LMTK3: variants seen among roughly 807,000 people sequenced by gnomAD.
The protein encoded by LMTK3 is serine/threonine-protein kinase LMTK3.
In LMTK3, 27 loss-of-function variants were observed where a neutral mutation model predicts 116.7. The observed-to-expected ratio is 0.23, with a 90% confidence interval of 0.17 to 0.32. LMTK3 has a LOEUF of 0.32. Ranked by LOEUF, LMTK3 falls within the 10% of genes least tolerant of loss-of-function variation. The pLI, the probability that LMTK3 is intolerant of heterozygous loss-of-function variation, is 1.00. For synonymous variants in LMTK3, 965 were observed against 971.0 expected (o/e 0.99, Z 0.11); for missense variants, 1,764 against 2,068.5 (o/e 0.85, Z 2.86).
chr19:48,507,658 G>A (rs1487718008), intron 5 of LMTK3, among the ~76,000 whole-genome samples: 2 of 152,182 alleles, frequency 1.3e-5, no homozygotes, highest in Non-Finnish European at 2.9e-5. Context: ...TTGCCCAGGT[G>A]GGAGTGCAGT....
rs866909134 is a variant in LMTK3, at chr19:48,510,593, C to A, written c.77-1G>T. On this transcript the variant is annotated splice_acceptor_variant, in intron 1 of 14. Coordinates refer to ENST00000600059, the MANE Select transcript of LMTK3 (RefSeq NM_001388485.1). LOFTEE classifies it high-confidence loss of function. The stretch of plus-strand genomic sequence containing the variant: ...GGAGCCCGGCCCAGGGCGAATCCAT[C>A]TGTGGGCACAGGGCTGGGCTGGGGT... 6.3e-7 allele frequency: 1 copy of A among 1,576,460 alleles called. No individual in the cohort carries two copies.
At position 48,498,845 on chromosome 19, in the gene LMTK3, GCGC is replaced by G; in HGVS notation, c.2221_2223del (p.Ala741del). 6.4e-6 allele frequency: 8 copies of G among 1,242,916 alleles called. No homozygotes were observed. The highest frequency in any genetic ancestry group is 8.2e-6 in the Non-Finnish European group (8 of 974,356). The allele number at this position is 1,242,916 out of a possible 1,614,324, so 77.0% of individuals were successfully genotyped here. ...GGTGGCCCCCGCCCGGGGTACTGGG[GCGC>G]CGCCGCCCCCATGAGGGGGTCCAGA... On this transcript the variant is annotated inframe_deletion, in exon 11 of 15. Coordinates refer to ENST00000600059, the MANE Select transcript of LMTK3 (RefSeq NM_001388485.1).
chr19:48,490,078 G>A (rs556873431), intron 14 of LMTK3, among the ~76,000 whole-genome samples: 1 of 152,332 alleles, frequency 6.6e-6, no homozygotes, highest in East Asian at 1.9e-4. Flanking sequence ...GTGGCCACGA[G>A]GATTAGCGAT....
rs1972668718 is a variant in LMTK3, at chr19:48,511,815, G to A, written c.-239C>T. On this transcript the variant is annotated 5_prime_UTR_variant, in exon 1 of 15. Coordinates refer to ENST00000600059, the MANE Select transcript of LMTK3 (RefSeq NM_001388485.1). ...AGAGGCGGACAGAGGAGAGATGCTG[G>A]GGAGCCGGGGTTGCTGGGGTGGGGG... The A allele has an allele frequency of 5.4e-6, 1 of 186,712 alleles. No individual in the cohort carries two copies. The highest frequency in any genetic ancestry group is 1.1e-5 in the Non-Finnish European group (1 of 94,176). 11.6% of individuals were successfully genotyped at this position (186,712 alleles called of 1,614,324 possible).
chr19:48,497,356 G>C lies in LMTK3; in HGVS notation c.3676+37C>G. ...CCCTCCGCACGCCTCGGAAACAGCC[G>C]GACCTCAGCCCTGACTGTGCCCCGC... On this transcript the variant is annotated intron_variant, in intron 11 of 14. Coordinates refer to ENST00000600059, the MANE Select transcript of LMTK3 (RefSeq NM_001388485.1). The surrounding 1 kb of genome is among the most constrained non-coding windows in gnomAD (Gnocchi z 5.7). The C allele has an allele frequency of 1.4e-6, 2 of 1,424,638 alleles. No homozygotes were observed. The highest frequency in any genetic ancestry group is 1.8e-6 in the Non-Finnish European group (2 of 1,083,858). 88.2% of individuals were successfully genotyped at this position (1,424,638 alleles called of 1,614,324 possible). A position where few individuals can be genotyped will look rare whatever the true frequency, so the allele number is the denominator to read the frequency against.
At position 48,499,588 on chromosome 19, in the gene LMTK3, G is replaced by A. The variant is rs1569104146; in HGVS notation, c.1481C>T (p.Ala494Val). 2.0e-6 allele frequency: 3 copies of A among 1,535,534 alleles called. No homozygotes were observed. Among genetic ancestry groups the A allele is most frequent in the Admixed American group, 4.2e-5 (2 of 47,238 alleles). Residue 494 changes from alanine (A) to valine (V), a missense_variant, in exon 11 of 15, where the codon GCA becomes GTA. Physicochemically the swap from Ala to Val is moderately conservative, Grantham distance 64. Transcript: ENST00000600059. ...GGCCGACGCCGGCTGCCAGGCAGGT[G>A]CCCCCCCACCCCGGCCGGCCCCACG... ...ARRGAGRGGGAPAWQPASAPP... is the reference protein window; with the variant it reads ...ARRGAGRGGGVPAWQPASAPP...
At position 48,510,403 on chromosome 19, in the gene LMTK3, G is replaced by T; in HGVS notation, c.210+56C>A. 3.2e-6 allele frequency: 5 copies of T among 1,558,998 alleles called. No homozygotes were observed. The South Asian group carries it at 4.7e-5, about 15-fold the overall frequency. On this transcript the variant is annotated intron_variant, in intron 2 of 14. Transcript: ENST00000600059. ...CTCCCCACCAACCACCTGTGTAGGG[G>T]GTAAAGGCCTTGCTGGAGTCTTCCT...
At chr19:48,504,448 T>C (rs1017443533) in intron 5 of LMTK3, among the ~76,000 whole-genome samples, 1 of 152,142 alleles carries the variant, frequency 6.6e-6, no homozygotes, top group Non-Finnish European at 1.5e-5. Flanking sequence ...GATAACAACT[T>C]CCTCTGAGGA....
upstream of LMTK3, chr19:48,513,017 C>T: frequency 1.2e-6 from 1 of 802,902 alleles, no homozygotes; most frequent in East Asian, 2.7e-5. The surrounding 1 kb of genome is among the most constrained non-coding windows in gnomAD (Gnocchi z 5.6). Flanking sequence ...AGACACAGAA[C>T]CCCACCACAG....
intron 5 of LMTK3, among the ~76,000 whole-genome samples, chr19:48,508,249 C>T (rs151334996): frequency 1.2e-4 from 19 of 152,086 alleles, no homozygotes; most frequent in African/African-American, 3.6e-4. Flanking sequence ...AGTGCCAAAA[C>T]CCAATGTGTT....
At position 48,493,943 on chromosome 19, in the gene LMTK3, C is replaced by G; in HGVS notation, c.3843G>C (p.Glu1281Asp). 2 of 1,038,276 alleles carry G rather than the reference C, an allele frequency of 1.9e-6. No homozygotes were observed. Among genetic ancestry groups the G allele is most frequent in the Non-Finnish European group, 2.3e-6 (2 of 868,324 alleles). The allele number at this position is 1,038,276 out of a possible 1,614,324, so 64.3% of individuals were successfully genotyped here. Residue 1281 changes from glutamate (E) to aspartate (D), a missense_variant, in exon 12 of 15, where the codon GAG (glutamate) becomes GAC (aspartate). Around this residue, in one of 7 missense-constraint regions of LMTK3, gnomAD observed 281 missense variants for 301.4 expected, o/e 0.93. Coordinates refer to ENST00000600059, the MANE Select transcript of LMTK3 (RefSeq NM_001388485.1). ...CCTCGTCCTCCTCCTCGTCCTCGTC[C>G]TCGTCCTCCCCGTCCTCCTCCGCCG... ...PGPAEEDGED[E>D]DEDEEEDEEA...
At chr19:48,499,990 C>G in intron 10 of LMTK3, 73 bp from the exon 11 acceptor site, 2 of 1,419,774 alleles carry the variant, frequency 1.4e-6, no homozygotes, top group East Asian at 2.5e-5. Context: ...AGGGGACAGA[C>G]AACCAGAGAG....
chr19:48,498,507 C>G lies in LMTK3; in HGVS notation c.2562G>C (p.Val854=), dbSNP rs748362287. 6.6e-5 allele frequency: 105 copies of G among 1,590,152 alleles called. No individual in the cohort carries two copies. The highest frequency in any genetic ancestry group is 8.9e-5 in the Non-Finnish European group (104 of 1,168,132). ...LPGPREKPTF[V]VQVSTEQLLM... is the part of the protein sequence containing the mutation. ...GCAGCTGTTCCGTGCTCACTTGAAC[C>G]ACGAAGGTCGGCTTCTCCCGGGGCC... is the stretch of plus-strand genomic sequence containing the variant. The change falls in exon 11 of 15, where the codon GTG becomes GTC. Residue 854 remains valine, a synonymous_variant. Transcript: ENST00000600059.
rs759438820 is a variant in LMTK3, at chr19:48,510,574, C to T, written c.95G>A (p.Arg32Gln). 1 of 1,587,842 alleles carries T rather than the reference C, an allele frequency of 6.3e-7. No individual in the cohort carries two copies. Among genetic ancestry groups the T allele is most frequent in the Non-Finnish European group, 8.6e-7 (1 of 1,169,386 alleles). ...PAHPDGFALG[R>Q]APLAPPYAVV... ...AGCGTAGGGAGGAGCCAGAGGAGCC[C>T]GGCCCAGGGCGAATCCATCTGTGGG... is the stretch of plus-strand genomic sequence containing the variant. The change falls in exon 2 of 15, where the codon CGG becomes CAG. Residue 32 changes from arginine to glutamine, a missense_variant. Physicochemically the swap from Arg to Gln is conservative, Grantham distance 43. Transcript: ENST00000600059.
chr19:48,486,280 C>A (rs868025671), intron 14 of LMTK3, among the ~76,000 whole-genome samples: 1 of 150,172 alleles, frequency 6.7e-6, no homozygotes, highest in Non-Finnish European at 1.5e-5. Context: ...GGGATGGTCT[C>A]GACCTCCTGA....
At chr19:48,510,209 G>T (rs1179637945) in intron 2 of LMTK3, 36 bp from the exon 3 acceptor site, 4 of 1,596,016 alleles carry the variant, frequency 2.5e-6, no homozygotes, top group Non-Finnish European at 3.4e-6. Context: ...GTGGGAGAAC[G>T]CAGGGCTGAG....
chr19:48,498,641 C>T lies in LMTK3; in HGVS notation c.2428G>A (p.Gly810Arg), dbSNP rs759643958. ...ACCCCTTCCTCCTCGGCCGCCCCCC[C>T]ACCTGGGAAGGCTCCCTCTGGGGAA... is the stretch of plus-strand genomic sequence containing the variant. ...PFSPEGAFPG[G>R]GAAEEEGVPR... Residue 810 changes from glycine (G) to arginine (R), a missense_variant, in exon 11 of 15, where the codon GGG becomes AGG. By Grantham distance (125) the Gly-to-Arg change is moderately radical. This residue lies in a region of LMTK3 where 1,028 missense variants were observed against 1,050.6 expected (regional missense o/e 0.98). Coordinates refer to ENST00000600059, the MANE Select transcript of LMTK3 (RefSeq NM_001388485.1). 6.5e-7 allele frequency: 1 copy of T among 1,542,364 alleles called. No homozygotes were observed. Among genetic ancestry groups the T allele is most frequent in the Non-Finnish European group, 8.7e-7 (1 of 1,144,438 alleles).
rs1215021002 is a variant in LMTK3 at position 48,497,644 on chromosome 19, C to G, written c.3425G>C (p.Arg1142Thr). Residue 1142 changes from arginine to threonine, a missense_variant, in exon 11 of 15, where the codon AGG (arginine) becomes ACG (threonine). This residue lies in a region of LMTK3 where 1,028 missense variants were observed against 1,050.6 expected (regional missense o/e 0.98). Coordinates refer to ENST00000600059, the MANE Select transcript of LMTK3 (RefSeq NM_001388485.1). The surrounding 1 kb of genome is among the most constrained non-coding windows in gnomAD (Gnocchi z 5.7). ...CAGCGGTGGCGGCGGTGGCTGCGGC[C>G]TCGTGTTGTCTACCCATCCGGCCTT... ...DAKAGWVDNT[R>T]PQPPPPPLPP... 7.6e-7 allele frequency: 1 copy of G among 1,307,720 alleles called. No homozygotes were observed. The highest frequency in any genetic ancestry group is 1.5e-5 in the African/African-American group (1 of 64,734). The allele number at this position is 1,307,720 out of a possible 1,614,324, so 81.0% of individuals were successfully genotyped here. A position where few individuals can be genotyped will look rare whatever the true frequency, so the allele number is the denominator to read the frequency against.
At chr19:48,505,037 C>G (rs980241680) in intron 5 of LMTK3, among the ~76,000 whole-genome samples, 1 of 147,766 alleles carries the variant, frequency 6.8e-6, no homozygotes, top group African/African-American at 2.5e-5. Flanking sequence ...GTCTCTGTCA[C>G]ATACTGCCTC....
Sources: allele counts gnomAD v4.1 joint callset (sites outside exome capture counted in the v4.1 genomes callset), GRCh38; gene constraint gnomAD v4.1.1; regional missense constraint gnomAD v4.1.1; non-coding constraint Gnocchi (gnomAD v3.1); transcripts MANE v1.5; gene names NCBI Gene and HGNC (gene_info 2026-07-23, HGNC 2026-07-21).